The following CDH9 variants were observed in gnomAD, a reference collection of about 807,000 sequenced individuals.
The protein encoded by CDH9 is cadherin-9.
In CDH9, 28 loss-of-function variants were observed where a neutral mutation model predicts 70.9. That is an observed-to-expected ratio of 0.40 (90% confidence interval 0.29 to 0.54). The LOEUF (loss-of-function observed/expected upper bound fraction) is 0.54, where lower values mean the gene tolerates loss of function less well. Ranked by LOEUF, CDH9 falls within the 20% of genes least tolerant of loss-of-function variation. The pLI is 0.59. For synonymous variants in CDH9, 409 were observed against 343.1 expected (o/e 1.19, Z -2.12); for missense variants, 874 against 984.4 (o/e 0.89, Z 1.50).
At chr5:26,893,773 A>T (rs140656706) in intron 7 of CDH9, among the ~76,000 whole-genome samples, 2 of 152,248 alleles carry the variant, frequency 1.3e-5, no homozygotes, top group African/African-American at 4.8e-5. Flanking sequence ...TATCAGAGAT[A>T]GATCCGATTT....
intron 2 of CDH9, among the ~76,000 whole-genome samples, chr5:26,952,054 C>T (rs1031785777): frequency 7.0e-6 from 1 of 143,458 alleles, no homozygotes; most frequent in South Asian, 2.1e-4. Context: ...GATGTTGGCT[C>T]ACTGCAACCT....
chr5:27,002,421 T>A (rs1742786776), intron 1 of CDH9, among the ~76,000 whole-genome samples: 2 of 150,812 alleles, frequency 1.3e-5, no homozygotes, highest in African/African-American at 5.0e-5. Flanking sequence ...CATTACTGGG[T>A]ATATACCCAA....
intron 2 of CDH9, among the ~76,000 whole-genome samples, chr5:26,939,027 G>T (rs528468321): frequency 6.6e-6 from 1 of 151,836 alleles, no homozygotes; most frequent in Non-Finnish European, 1.5e-5. Context: ...AAATTTGTAG[G>T]ATTTATATCA....
Position 26,905,249 on chromosome 5 carries a change from A to G in CDH9, c.811+710T>C, listed in dbSNP as rs570180853. On this transcript the variant is annotated intron_variant, in intron 5 of 11. Transcript: ENST00000231021. ...GAATGGAAATCTTTTTCTGCAGGACATCATGAAATGCAAAGCATCCATGGT... is the reference window on the plus strand; with the variant it reads ...GAATGGAAATCTTTTTCTGCAGGACGTCATGAAATGCAAAGCATCCATGGT... 2.6e-5 allele frequency among the ~76,000 whole-genome samples: 4 copies of G among 152,246 alleles called. No homozygotes were observed. In the East Asian group the frequency reaches 7.7e-4, roughly 29 times the overall value.
chr5:26,946,192 C>T (rs1207942248), intron 2 of CDH9, among the ~76,000 whole-genome samples: 2 of 152,050 alleles, frequency 1.3e-5, no homozygotes, highest in Non-Finnish European at 2.9e-5. Context: ...CTCTTAGAAG[C>T]CTTATATTTT....
intron 2 of CDH9, among the ~76,000 whole-genome samples, chr5:26,940,283 G>T (rs1487871464): frequency 6.6e-6 from 1 of 152,058 alleles, no homozygotes; most frequent in African/African-American, 2.4e-5. Context: ...AAAAGTTGAA[G>T]AAAGATACTG....
chr5:27,024,381 A>C (rs1004960048), intron 1 of CDH9, among the ~76,000 whole-genome samples: 1 of 152,086 alleles, frequency 6.6e-6, no homozygotes, highest in African/African-American at 2.4e-5. Flanking sequence ...TTTTGAAAAA[A>C]TGTAGTGTCA....
chr5:27,032,162 C>A (rs1353435194), intron 1 of CDH9, among the ~76,000 whole-genome samples: 1 of 151,340 alleles, frequency 6.6e-6, no homozygotes, highest in Non-Finnish European at 1.5e-5. Context: ...GCTGAAATAG[C>A]CCTATAATAT....
At chr5:26,910,861 T>C (rs1044575740) in intron 3 of CDH9, among the ~76,000 whole-genome samples, 3 of 152,174 alleles carry the variant, frequency 2.0e-5, no homozygotes, top group African/African-American at 4.8e-5. Flanking sequence ...AGCCACTAAT[T>C]TGAGGAGCAG....
intron 1 of CDH9, among the ~76,000 whole-genome samples, chr5:27,021,403 G>A (rs1333828982): frequency 6.6e-6 from 1 of 151,708 alleles, no homozygotes; most frequent in Non-Finnish European, 1.5e-5. Context: ...ACAAAAGTTG[G>A]AAGAAATATT....
chr5:27,030,011 T>C (rs886523608), intron 1 of CDH9, among the ~76,000 whole-genome samples: 2 of 152,008 alleles, frequency 1.3e-5, no homozygotes, highest in African/African-American at 4.8e-5. Flanking sequence ...CCTACCTCCA[T>C]TAAAGGTAGT....
At chr5:27,002,420 G>T (rs568934036) in intron 1 of CDH9, among the ~76,000 whole-genome samples, 96 of 150,870 alleles carry the variant, frequency 6.4e-4, no homozygotes, top group Admixed American at 1.0e-3. Context: ...CCATTACTGG[G>T]TATATACCCA....
intron 2 of CDH9, among the ~76,000 whole-genome samples, chr5:26,925,312 T>C (rs918899629): frequency 6.6e-6 from 1 of 152,202 alleles, no homozygotes; most frequent in Non-Finnish European, 1.5e-5. Flanking sequence ...ATGATGAGCA[T>C]TTTTTCATGT....
intron 5 of CDH9, among the ~76,000 whole-genome samples, chr5:26,904,063 A>G (rs2111989609): frequency 6.6e-6 from 1 of 152,132 alleles, no homozygotes; most frequent in East Asian, 1.9e-4. Context: ...AATGTCCCAA[A>G]TTTATTTAGA....
chr5:27,010,765 G>A (rs1742942161), intron 1 of CDH9, among the ~76,000 whole-genome samples: 1 of 152,236 alleles, frequency 6.6e-6, no homozygotes, highest in South Asian at 2.1e-4. Flanking sequence ...TTTTAAGACA[G>A]CATTTCATTT....
At chr5:27,023,977 G>A (rs916855619) in intron 1 of CDH9, among the ~76,000 whole-genome samples, 8 of 151,940 alleles carry the variant, frequency 5.3e-5, no homozygotes, top group South Asian at 4.2e-4. Context: ...GCTTGAACCC[G>A]GGAGGCTGAG....
intron 2 of CDH9, among the ~76,000 whole-genome samples, chr5:26,978,943 A>G (rs954638596): frequency 6.6e-6 from 1 of 151,828 alleles, no homozygotes; most frequent in Admixed American, 6.6e-5. Flanking sequence ...AGATATTTCT[A>G]TTAACGAAAA....
chr5:26,905,360 T>C (rs1354905499), intron 5 of CDH9, among the ~76,000 whole-genome samples: 1 of 152,066 alleles, frequency 6.6e-6, no homozygotes, highest in Non-Finnish European at 1.5e-5. Flanking sequence ...ACTACCAAAC[T>C]TGAATACGTC....
At chr5:26,931,207 G>A (rs956654488) in intron 2 of CDH9, among the ~76,000 whole-genome samples, 4 of 152,056 alleles carry the variant, frequency 2.6e-5, no homozygotes, top group African/African-American at 9.7e-5. Context: ...TTTACTGCAG[G>A]GAAGTAGAGT....
Sources: gnomAD v4.1 joint callset for allele counts (sites outside exome capture counted in the v4.1 genomes callset) on GRCh38, gnomAD v4.1.1 for gene constraint, MANE v1.5 for transcripts, NCBI Gene and HGNC (gene_info 2026-07-23, HGNC 2026-07-21) for gene names.